The following NAE1 variants were observed in gnomAD, a reference collection of about 807,000 sequenced individuals.
NAE1 encodes the protein NEDD8 activating enzyme E1 subunit 1, also known as NEDD8-activating enzyme E1 regulatory subunit.
A neutral mutation model predicts 88.0 loss-of-function variants in NAE1; 59 were observed. The ratio of observed to expected loss-of-function variants is 0.67; its 90% CI spans 0.54 to 0.83. NAE1 has a LOEUF of 0.83. NAE1 is among the 40% of genes least tolerant of loss of function. NAE1 has a pLI of 0.00. For synonymous variants in NAE1, 186 were observed against 208.9 expected, an observed-to-expected ratio of 0.89 and a Z score of 0.95; for missense variants, 554 against 632.8, an observed-to-expected ratio of 0.88 and a Z score of 1.34.
At chr16:66,827,062 A>AAAAC (rs957355419) in intron 1 of NAE1, among the ~76,000 whole-genome samples, 7 of 152,174 alleles carry the variant, frequency 4.6e-5, no homozygotes, top group Non-Finnish European at 7.3e-5. Context: ...ACTCTGTCTC[A>AAAAC]AAACAAACAA....
chr16:66,829,208 C>G, intron 1 of NAE1, among the ~76,000 whole-genome samples: 1 of 152,180 alleles, frequency 6.6e-6, no homozygotes, highest in Non-Finnish European at 1.5e-5. Context: ...GGAATGCCCT[C>G]AGCAAAAACC....
At chr16:66,804,350 C>T (rs1457052917) in intron 19 of NAE1, among the ~76,000 whole-genome samples, 1 of 152,056 alleles carries the variant, frequency 6.6e-6, no homozygotes. Flanking sequence ...TGGACTGCAT[C>T]TGAATAAATA....
intron 17 of NAE1, 130 bp downstream of exon 17, chr16:66,808,391 A>C: frequency 1.5e-6 from 1 of 647,004 alleles, no homozygotes; most frequent in Non-Finnish European, 2.6e-6. Context: ...TCACTGGGGA[A>C]CGTTTGGGGT....
intron 4 of NAE1, 146 bp downstream of exon 4, chr16:66,824,709 A>G (rs545304864): frequency 1.3e-5 from 9 of 679,458 alleles, no homozygotes; most frequent in Non-Finnish European, 2.2e-5. Flanking sequence ...ACTACCAAAC[A>G]TATGAAGATT....
intron 7 of NAE1, among the ~76,000 whole-genome samples, chr16:66,820,715 CAT>C (rs1469669880): frequency 3.3e-5 from 5 of 152,188 alleles, no homozygotes; most frequent in Admixed American, 6.5e-5. Context: ...TCCTGGCTAA[CAT>C]GGTGAAACCC....
intron 7 of NAE1, among the ~76,000 whole-genome samples, chr16:66,820,263 G>A (rs1960196225): frequency 6.6e-6 from 1 of 152,128 alleles, no homozygotes; most frequent in South Asian, 2.1e-4. Context: ...TTTGAATACT[G>A]GATGAAAATT....
intron 8 of NAE1, among the ~76,000 whole-genome samples, chr16:66,818,269 A>G (rs1960127901): frequency 6.6e-6 from 1 of 152,152 alleles, no homozygotes; most frequent in South Asian, 2.1e-4. Context: ...CACCTGGAAT[A>G]GGTTAATGTC....
chr16:66,823,550 G>T lies in NAE1; in HGVS notation c.300C>A (p.Val100=). The T allele has an allele frequency of 6.2e-7, 1 of 1,611,916 alleles. No individual in the cohort carries two copies. The highest frequency in any genetic ancestry group is 8.5e-7 in the Non-Finnish European group (1 of 1,179,400). ...MEFLQELNSD[V]SGSFVEESPE... ...ATACCTCTTCCACAAAACTTCCAGAGACATCGCTATTTAATTCTTGTAAGA... is the reference window on the plus strand; with the variant it reads ...ATACCTCTTCCACAAAACTTCCAGATACATCGCTATTTAATTCTTGTAAGA... The change falls in exon 5 of 20, where the codon GTC becomes GTA. Residue 100 remains valine (V), a synonymous_variant. Coordinates refer to ENST00000290810, the MANE Select transcript of NAE1 (RefSeq NM_003905.4).
intron 17 of NAE1, among the ~76,000 whole-genome samples, chr16:66,807,144 C>G (rs184459868): frequency 6.6e-6 from 1 of 152,352 alleles, no homozygotes; most frequent in East Asian, 1.9e-4. Flanking sequence ...GCTCAAGCAA[C>G]TGCATGCCTC....
intron 4 of NAE1, 67 bp downstream of exon 4, chr16:66,824,788 T>G: frequency 7.1e-7 from 1 of 1,403,330 alleles, no homozygotes; most frequent in African/African-American, 1.4e-5. Context: ...GTCAAAGCTT[T>G]TCAAGCAATC....
rs1454060201 is a variant in NAE1, at chr16:66,808,608, T to C, written c.1243A>G (p.Ser415Gly). The C allele has an allele frequency of 1.9e-6, 3 of 1,600,264 alleles. No homozygotes were observed. The highest frequency in any genetic ancestry group is 1.7e-5 in the Admixed American group (1 of 57,376). The change falls in exon 17 of 20, where the codon AGC (serine) becomes GGC (glycine). Residue 415 changes from serine to glycine, a missense_variant. Transcript: ENST00000290810. ...ATTTCATTATCTGGATTGTCCATGCTAGAAACTGAAAGGAAAAAAAATTTC... is the reference window on the plus strand; with the variant it reads ...ATTTCATTATCTGGATTGTCCATGCCAGAAACTGAAAGGAAAAAAAATTTC... ...DTINKDEIIS[S>G]MDNPDNEIVL...
intron 1 of NAE1, among the ~76,000 whole-genome samples, chr16:66,828,776 G>GTCGA (rs1373149041): frequency 6.6e-6 from 1 of 152,122 alleles, no homozygotes; most frequent in Non-Finnish European, 1.5e-5. Context: ...AGGATCACTT[G>GTCGA]AGTGCAGAGG....
intron 8 of NAE1, among the ~76,000 whole-genome samples, chr16:66,818,141 A>T (rs1960122280): frequency 1.3e-5 from 2 of 152,160 alleles, no homozygotes; most frequent in Non-Finnish European, 2.9e-5. Context: ...TAATTATTTT[A>T]AAATGTATAA....
chr16:66,802,904 G>T lies in NAE1; in HGVS notation c.*105C>A. The T allele has an allele frequency of 1.4e-6, 1 of 715,190 alleles. No homozygotes were observed. The highest frequency in any genetic ancestry group is 2.4e-6 in the Non-Finnish European group (1 of 413,714). The allele number at this position is 715,190 out of a possible 1,614,324, so 44.3% of individuals were successfully genotyped here. A position where few individuals can be genotyped will look rare whatever the true frequency, so the allele number is the denominator to read the frequency against. On this transcript the variant is annotated 3_prime_UTR_variant, in exon 20 of 20. Transcript: ENST00000290810. ...TACAAATGAGAAAAATGTTTATTAA[G>T]AAAACAATTTAGCAGCTCTCCTTTA... is the stretch of plus-strand genomic sequence containing the variant.
chr16:66,810,472 G>T, intron 14 of NAE1, 59 bp from the exon 15 acceptor site: 1 of 1,446,158 alleles, frequency 6.9e-7, no homozygotes, highest in Non-Finnish European at 9.6e-7. Context: ...AACAAAGGGT[G>T]CGGCACAAAG....
At chr16:66,828,132 G>A (rs1364582544) in intron 1 of NAE1, 16 of 1,307,960 alleles carry the variant, frequency 1.2e-5, no homozygotes, top group East Asian at 4.6e-5. Context: ...AGTATGGCAC[G>A]TAGAAGACAC....
chr16:66,815,944 G>C (rs893611369), intron 11 of NAE1, among the ~76,000 whole-genome samples: 1 of 152,034 alleles, frequency 6.6e-6, no homozygotes, highest in Non-Finnish European at 1.5e-5. Flanking sequence ...GATTACAGGT[G>C]TGAGCCACCG....
intron 3 of NAE1, among the ~76,000 whole-genome samples, chr16:66,825,570 C>T (rs966208241): frequency 1.3e-5 from 2 of 151,984 alleles, no homozygotes; most frequent in African/African-American, 2.4e-5. Context: ...TCATTTGATC[C>T]ATTTCCCAAA....
intron 15 of NAE1, 123 bp from the exon 16 acceptor site, chr16:66,809,198 T>C: frequency 1.6e-6 from 1 of 623,656 alleles, no homozygotes; most frequent in African/African-American, 1.9e-5. Context: ...TGTGAAGAAA[T>C]GTTTTCTCCT....
Sources: allele counts gnomAD v4.1 joint callset (sites outside exome capture counted in the v4.1 genomes callset), GRCh38; gene constraint gnomAD v4.1.1; transcripts MANE v1.5; gene names NCBI Gene and HGNC (gene_info 2026-07-23, HGNC 2026-07-21).